The following PRKD1 variants were observed in gnomAD, a reference collection of about 807,000 sequenced individuals.
PRKD1 encodes protein kinase D1, also known as serine/threonine-protein kinase D1.
In PRKD1, 63 loss-of-function variants were observed where a neutral mutation model predicts 95.9. That is an observed-to-expected ratio of 0.66 (90% CI 0.54 to 0.81). The LOEUF is 0.81. PRKD1 is among the 30% of genes least tolerant of loss of function. PRKD1 has a pLI of 0.00. For missense variants in PRKD1, 1,048 were observed against 1,165.3 expected, an observed-to-expected ratio of 0.90 and a Z score of 1.47; for synonymous variants, 425 against 423.1, an observed-to-expected ratio of 1.00 and a Z score of -0.05.
chr14:29,785,878 CAA>C (rs1391974847), intron 1 of PRKD1, among the ~76,000 whole-genome samples: 13 of 118,394 alleles, frequency 1.1e-4, no homozygotes, highest in East Asian at 2.4e-4. Context: ...GTGGGGCTGT[CAA>C]AAAAAAAAAA....
At chr14:29,608,376 A>G (rs1313013599) in intron 13 of PRKD1, among the ~76,000 whole-genome samples, 1 of 152,170 alleles carries the variant, frequency 6.6e-6, no homozygotes, top group South Asian at 2.1e-4. Flanking sequence ...CCCAACTTAC[A>G]TATTACCATT....
intron 4 of PRKD1, among the ~76,000 whole-genome samples, chr14:29,655,150 T>C (rs1881761741): frequency 6.6e-6 from 1 of 152,208 alleles, no homozygotes; most frequent in Non-Finnish European, 1.5e-5. Flanking sequence ...CAAAGGATTA[T>C]TTGAAAGGAA....
rs1893441857 is a variant in PRKD1 at position 29,599,646 on chromosome 14, GA to G, written c.2067+9del. ...TATTGTATTTTTTCCGTCTCTAATTGATTTCTTACCTGAGTAATTAAAAACT... is the reference window on the plus strand; with the variant it reads ...TATTGTATTTTTTCCGTCTCTAATTGTTTCTTACCTGAGTAATTAAAAACT... On this transcript the variant is annotated intron_variant, in intron 14 of 17. Transcript: ENST00000331968. 6.2e-7 allele frequency: 1 copy of G among 1,600,418 alleles called. No individual in the cohort carries two copies. The highest frequency in any genetic ancestry group is 1.3e-5 in the African/African-American group (1 of 74,108).
At chr14:29,639,390 C>A (rs184888901) in intron 4 of PRKD1, among the ~76,000 whole-genome samples, 4 of 152,136 alleles carry the variant, frequency 2.6e-5, no homozygotes, top group African/African-American at 7.2e-5. Context: ...GAGGCCAAGG[C>A]GGGTGGATCA....
intron 4 of PRKD1, among the ~76,000 whole-genome samples, chr14:29,647,825 C>G (rs1271887891): frequency 6.6e-6 from 1 of 151,252 alleles, no homozygotes; most frequent in Admixed American, 6.6e-5. Flanking sequence ...ACTGGCTTAG[C>G]AGACGTGTCC....
At chr14:29,677,034 A>G (rs1883268204) in intron 2 of PRKD1, among the ~76,000 whole-genome samples, 1 of 152,224 alleles carries the variant, frequency 6.6e-6, no homozygotes, top group Admixed American at 6.5e-5. Context: ...CATTTCCATG[A>G]TTCCAGAAAG....
chr14:29,813,376 A>G (rs180944436), intron 1 of PRKD1, among the ~76,000 whole-genome samples: 69 of 152,338 alleles, frequency 4.5e-4, no homozygotes, highest in Middle Eastern at 6.8e-3. Context: ...TATATACAAA[A>G]GACAAAACAT....
At chr14:29,621,554 T>C (rs886834547) in intron 13 of PRKD1, among the ~76,000 whole-genome samples, 11 of 152,156 alleles carry the variant, frequency 7.2e-5, no homozygotes, top group Non-Finnish European at 1.5e-4. Flanking sequence ...TATGAACTAC[T>C]GAACCTATTA....
intron 1 of PRKD1, among the ~76,000 whole-genome samples, chr14:29,826,673 GTATATATATATACACACATATATATACA>G (rs1891143920): frequency 1.3e-5 from 1 of 78,826 alleles, no homozygotes; most frequent in Non-Finnish European, 2.4e-5. Context: ...GTATATATGT[GTATATATATATACACACATATATATACA>G]TATATACACA....
intron 2 of PRKD1, among the ~76,000 whole-genome samples, chr14:29,703,175 A>G (rs1339902758): frequency 6.6e-6 from 1 of 152,108 alleles, no homozygotes; most frequent in Non-Finnish European, 1.5e-5. Context: ...AAGCTTTCCT[A>G]TTTAAATCCC....
At chr14:29,764,364 G>T (rs1246680370) in intron 1 of PRKD1, among the ~76,000 whole-genome samples, 3 of 152,124 alleles carry the variant, frequency 2.0e-5, no homozygotes, top group Non-Finnish European at 4.4e-5. Flanking sequence ...GAAATATTAG[G>T]TCAATACTGA....
intron 1 of PRKD1, among the ~76,000 whole-genome samples, chr14:29,805,135 T>C (rs1890184142): frequency 6.6e-6 from 1 of 152,008 alleles, no homozygotes; most frequent in Admixed American, 6.5e-5. Context: ...CTGCAGTGTG[T>C]CCTCTGATCT....
Position 29,577,119 on chromosome 14 carries a change from T to TTTAACAGC in PRKD1, c.*111_*118dup. 9.4e-7 allele frequency: 1 copy of TTTAACAGC among 1,065,576 alleles called. No individual in the cohort carries two copies. Among genetic ancestry groups the TTTAACAGC allele is most frequent in the Non-Finnish European group, 1.4e-6 (1 of 727,866 alleles). 66.0% of individuals were successfully genotyped at this position (1,065,576 alleles called of 1,614,324 possible). A position where few individuals can be genotyped will look rare whatever the true frequency, so the allele number is the denominator to read the frequency against. ...TCAGATACATCAACAGTGCTAACAG[T>TTTAACAGC]TTAACAGCTTTGTTCTCATCTGACA... is the stretch of plus-strand genomic sequence containing the variant. On this transcript the variant is annotated 3_prime_UTR_variant, in exon 18 of 18. Transcript: ENST00000331968.
At chr14:29,851,847 T>C (rs372288725) in intron 1 of PRKD1, among the ~76,000 whole-genome samples, 1 of 152,072 alleles carries the variant, frequency 6.6e-6, no homozygotes, top group Non-Finnish European at 1.5e-5. Flanking sequence ...CCTTCAACAG[T>C]GGACTGGATA....
intron 1 of PRKD1, among the ~76,000 whole-genome samples, chr14:29,861,598 T>C (rs1892711204): frequency 1.3e-5 from 2 of 152,158 alleles, no homozygotes; most frequent in African/African-American, 4.8e-5. Flanking sequence ...TAATTATTAT[T>C]GACTATAGTC....
intron 1 of PRKD1, among the ~76,000 whole-genome samples, chr14:29,869,424 C>T (rs1566646238): frequency 1.4e-5 from 2 of 147,656 alleles, no homozygotes; most frequent in East Asian, 2.0e-4. Flanking sequence ...TGGACAAGAG[C>T]GAAACTCCAT....
chr14:29,890,602 C>A (rs1893903705), intron 1 of PRKD1, among the ~76,000 whole-genome samples: 1 of 152,138 alleles, frequency 6.6e-6, no homozygotes, highest in Non-Finnish European at 1.5e-5. Context: ...AGGACTGAAA[C>A]AAGCTCTCTG....
At chr14:29,770,634 A>G (rs1279888425) in intron 1 of PRKD1, among the ~76,000 whole-genome samples, 1 of 152,212 alleles carries the variant, frequency 6.6e-6, no homozygotes, top group Non-Finnish European at 1.5e-5. Context: ...TGTGTGAAGT[A>G]GAACTTATGA....
chr14:29,834,026 C>T (rs1891517365), intron 1 of PRKD1, among the ~76,000 whole-genome samples: 1 of 152,100 alleles, frequency 6.6e-6, no homozygotes. Context: ...ATGGAGATCC[C>T]CTCCACAGAT....
Sources: allele counts gnomAD v4.1 joint callset (sites outside exome capture counted in the v4.1 genomes callset), GRCh38; gene constraint gnomAD v4.1.1; transcripts MANE v1.5; gene names NCBI Gene and HGNC (gene_info 2026-07-23, HGNC 2026-07-21).